The following IL17RC variants were observed in gnomAD, a reference collection of about 807,000 sequenced individuals.
The protein encoded by IL17RC is interleukin 17 receptor C, also known as interleukin-17 receptor C.
A neutral mutation model predicts 86.7 loss-of-function variants in IL17RC; 53 were observed. The observed-to-expected ratio is 0.61, with a 90% CI of 0.49 to 0.77. The LOEUF is 0.77. Ranked by LOEUF, IL17RC falls within the 30% of genes least tolerant of loss-of-function variation. IL17RC has a pLI of 0.00. For missense variants in IL17RC, 957 were observed against 940.0 expected (o/e 1.02, Z -0.24); for synonymous variants, 439 against 413.1 (o/e 1.06, Z -0.76).
In IL17RC at chr3:9,932,697, G is replaced by A. The variant is rs757709785; in HGVS notation, c.1477G>A (p.Ala493Thr). 8.1e-6 allele frequency: 13 copies of A among 1,614,040 alleles called. No homozygotes were observed. The highest frequency in any genetic ancestry group is 9.3e-6 in the Non-Finnish European group (11 of 1,180,012). The stretch of plus-strand genomic sequence containing the variant: ...CATCCTCCTTCTCAAAAAGGATCAC[G>A]CGAAAGGTGAGCGCTTCCCGGCTCC... ...SLILLLKKDH[A>T]KGWLRLLKQD... The change falls in exon 17 of 19, where the codon GCG becomes ACG. Residue 493 changes from alanine to threonine, a missense_variant. Coordinates refer to ENST00000403601, the MANE Select transcript of IL17RC (RefSeq NM_153460.4).
Position 9,933,221 on chromosome 3 carries a change from G to A in IL17RC, c.1791G>A (p.Val597=). 6.2e-7 allele frequency: 1 copy of A among 1,607,058 alleles called. No individual in the cohort carries two copies. Among genetic ancestry groups the A allele is most frequent in the Non-Finnish European group, 8.5e-7 (1 of 1,177,384 alleles). ...GCAGCGAGTGGCTACAGGATGGGGT[G>A]TCCGGGCCCGGGGCGCACGGCCCGC... ...ALCSEWLQDG[V]SGPGAHGPHD... is the part of the protein sequence containing the mutation. Residue 597 remains valine, a synonymous_variant, in exon 19 of 19, where the codon GTG becomes GTA. Coordinates refer to ENST00000403601, the MANE Select transcript of IL17RC (RefSeq NM_153460.4).
chr3:9,929,571 G>GA, intron 12 of IL17RC: 1 of 471,320 alleles, frequency 2.1e-6, no homozygotes, highest in East Asian at 3.6e-5. Flanking sequence ...TGTGAGAAAG[G>GA]AATCTCTTTG....
chr3:9,927,434 T>C (rs562960995), intron 9 of IL17RC, among the ~76,000 whole-genome samples: 23 of 152,192 alleles, frequency 1.5e-4, no homozygotes, highest in Admixed American at 1.1e-3. Flanking sequence ...GATGTGCGCC[T>C]GTAGTCCCTG....
chr3:9,920,270 C>G (rs201236431), intron 5 of IL17RC: 1 of 398,626 alleles, frequency 2.5e-6, no homozygotes. Context: ...TGTCTAGGGC[C>G]TTTTCCCGCC....
chr3:9,917,945 T>G lies in IL17RC; in HGVS notation c.150T>G (p.Pro50=), dbSNP rs1355495007. ...CAGACAGTGACATACTCTGCCTGCCTGGGGACATCGTGCCTGCTCCGGGCC... is the reference window on the plus strand; with the variant it reads ...CAGACAGTGACATACTCTGCCTGCCGGGGGACATCGTGCCTGCTCCGGGCC... ...RLWDSDILCL[P]GDIVPAPGPV... Residue 50 remains proline (P), a synonymous_variant, in exon 3 of 19, where the codon CCT becomes CCG. Transcript: ENST00000403601. 6.2e-7 allele frequency: 1 copy of G among 1,613,526 alleles called. No homozygotes were observed. Among genetic ancestry groups the G allele is most frequent in the East Asian group, 2.2e-5 (1 of 44,868 alleles).
chr3:9,933,333 G>A lies in IL17RC; in HGVS notation c.1903G>A (p.Asp635Asn). Residue 635 changes from aspartate to asparagine, a missense_variant, in exon 19 of 19, where the codon GAC becomes AAC. Coordinates refer to ENST00000403601, the MANE Select transcript of IL17RC (RefSeq NM_153460.4). ...CGGCAGCTACGTGGGGGCCTGCTTCGACAGGCTGCTCCACCCGGACGCCGT... is the reference window on the plus strand; with the variant it reads ...CGGCAGCTACGTGGGGGCCTGCTTCAACAGGCTGCTCCACCCGGACGCCGT... ...APGSYVGACF[D>N]RLLHPDAVPA... 1 of 1,609,592 alleles carries A rather than the reference G, an allele frequency of 6.2e-7. No homozygotes were observed. The highest frequency in any genetic ancestry group is 8.5e-7 in the Non-Finnish European group (1 of 1,178,254).
At chr3:9,917,641 G>A (rs747502014) in intron 1 of IL17RC, 72 bp from the exon 2 acceptor site, 4 of 1,613,954 alleles carry the variant, frequency 2.5e-6, no homozygotes, top group African/African-American at 1.3e-5. Context: ...AAGGTAGGTG[G>A]AGGTCTTAGG....
At position 9,930,224 on chromosome 3, in the gene IL17RC, C is replaced by A; in HGVS notation, c.1278+75C>A. 1 of 1,587,040 alleles carries A rather than the reference C, an allele frequency of 6.3e-7. No individual in the cohort carries two copies. Among genetic ancestry groups the A allele is most frequent in the Non-Finnish European group, 8.6e-7 (1 of 1,160,604 alleles). The stretch of plus-strand genomic sequence containing the variant: ...ATCTGGCCTCAAATTTTCACTCCAT[C>A]CACCCTGTGCCGGTCTCTGGGAACA... On this transcript the variant is annotated intron_variant, in intron 14 of 18. Coordinates refer to ENST00000403601, the MANE Select transcript of IL17RC (RefSeq NM_153460.4). This position sits in a 1 kb window ranked among gnomAD's most constrained non-coding sequence, Gnocchi z 5.8.
At chr3:9,923,549 CAAA>C (rs111686823) in intron 7 of IL17RC, among the ~76,000 whole-genome samples, 1 of 135,326 alleles carries the variant, frequency 7.4e-6, no homozygotes. Context: ...GACTCCCTCT[CAAA>C]AAAAAAAAAG....
At position 9,933,455 on chromosome 3, in the gene IL17RC, G is replaced by A. The variant is rs189013166; in HGVS notation, c.2025G>A (p.Gly675=). Residue 675 remains glycine (G), a synonymous_variant, in exon 19 of 19, where the codon GGG becomes GGA. Coordinates refer to ENST00000403601, the MANE Select transcript of IL17RC (RefSeq NM_153460.4). ...AGCAGCCTCGCGCCCCGCGTTCCGG[G>A]CGGCTCCAAGAGAGAGCGGAGCAAG... ...ALQQPRAPRS[G]RLQERAEQVS... 6,219 of 1,613,026 alleles carry A rather than the reference G, an allele frequency of 3.9e-3. 122 individuals carry two copies. The South Asian group carries it at 0.039, about 10-fold the overall frequency.
chr3:9,932,957 C>T lies in IL17RC; in HGVS notation c.1527C>T (p.Ala509=), dbSNP rs750256794. ...LLKQDVRSGA[A]ARGRAALLLY... is the part of the protein sequence containing the mutation. ...CCCATCTGTTTTCTCCGGCAGCGGC[C>T]GCCAGGGGCCGCGCGGCTCTGCTCC... The change falls in exon 19 of 19, where the codon GCC becomes GCT. Residue 509 remains alanine, a synonymous_variant. Coordinates refer to ENST00000403601, the MANE Select transcript of IL17RC (RefSeq NM_153460.4). The T allele has an allele frequency of 1.9e-6, 3 of 1,607,054 alleles. No homozygotes were observed. Among genetic ancestry groups the T allele is most frequent in the African/African-American group, 1.3e-5 (1 of 74,800 alleles).
At position 9,917,726 on chromosome 3, in the gene IL17RC, G is replaced by A. The variant is rs75324888; in HGVS notation, c.119G>A (p.Arg40His). The A allele has an allele frequency of 7.1e-3, 11,379 of 1,613,660 alleles. 678 individuals are homozygous for A. In the African/African-American group the frequency reaches 0.13, roughly 18 times the overall value. Reference sequence around the variant, plus strand: ...TTTCCTTCCCAGGGCCTCTCCTGCCGCCTCTGGGGTAAGTATCCCTACTTT... The same window carrying A: ...TTTCCTTCCCAGGGCCTCTCCTGCCACCTCTGGGGTAAGTATCCCTACTTT... The part of the protein sequence containing the change: ...ATHCSPGLSC[R>H]LWDSDILCLP... The change falls in exon 2 of 19, where the codon CGC becomes CAC. Residue 40 changes from arginine to histidine, a missense_variant. By Grantham distance (29) the Arg-to-His change is conservative (BLOSUM62 0). Coordinates refer to ENST00000403601, the MANE Select transcript of IL17RC (RefSeq NM_153460.4).
chr3:9,917,241 T>A lies in IL17RC; in HGVS notation c.-75T>A, dbSNP rs2083151250. The A allele has an allele frequency of 7.5e-6, 9 of 1,198,324 alleles. No homozygotes were observed. The South Asian group carries it at 1.0e-4, about 14-fold the overall frequency. 74.2% of individuals were successfully genotyped at this position (1,198,324 alleles called of 1,614,324 possible). On this transcript the variant is annotated 5_prime_UTR_variant, in exon 1 of 19. Transcript: ENST00000403601. ...GCCCCTGCCACCCACAGACACGGGCTGACTGGGGTGTCTGCCCCCCTTGGG... is the reference window on the plus strand; with the variant it reads ...GCCCCTGCCACCCACAGACACGGGCAGACTGGGGTGTCTGCCCCCCTTGGG...
chr3:9,926,357 G>A (rs1422556056), intron 9 of IL17RC, among the ~76,000 whole-genome samples: 1 of 151,972 alleles, frequency 6.6e-6, no homozygotes, highest in Non-Finnish European at 1.5e-5. Context: ...ATGTTTTGTG[G>A]CGATGGGCCA....
Position 9,928,501 on chromosome 3 carries a change from G to A in IL17RC, c.1059+15G>A, listed in dbSNP as rs1418606343. 8.1e-6 allele frequency: 13 copies of A among 1,613,010 alleles called. No individual in the cohort carries two copies. The highest frequency in any genetic ancestry group is 1.1e-5 in the Non-Finnish European group (13 of 1,179,834). The stretch of plus-strand genomic sequence containing the variant: ...TCACTGTGGACGTAAGTGAAGCAGA[G>A]GGCACCTCCCGTGGTGAGGGGAGAG... On this transcript the variant is annotated intron_variant, in intron 11 of 18. Coordinates refer to ENST00000403601, the MANE Select transcript of IL17RC (RefSeq NM_153460.4).
chr3:9,929,813 C>A (rs1410364778), intron 12 of IL17RC, 39 bp from the exon 13 acceptor site: 1 of 1,613,424 alleles, frequency 6.2e-7, no homozygotes, highest in East Asian at 2.2e-5. Flanking sequence ...TTGGCTTTTG[C>A]TTTTCTTAGT....
chr3:9,925,292 A>G (rs894353566), intron 9 of IL17RC, among the ~76,000 whole-genome samples: 1 of 150,276 alleles, frequency 6.7e-6, no homozygotes, highest in South Asian at 2.1e-4. Context: ...AATTTTTTGT[A>G]TTTTCAGTAA....
chr3:9,933,386 C>G lies in IL17RC; in HGVS notation c.1956C>G (p.Val652=), dbSNP rs1230073282. The change falls in exon 19 of 19, where the codon GTC becomes GTG. Residue 652 remains valine, a synonymous_variant. Coordinates refer to ENST00000403601, the MANE Select transcript of IL17RC (RefSeq NM_153460.4). ...AVPALFRTVP[V]FTLPSQLPDF... ...CCGCCCTTTTCCGCACCGTGCCCGT[C>G]TTCACACTGCCCTCCCAACTGCCAG... 1 of 1,613,148 alleles carries G rather than the reference C, an allele frequency of 6.2e-7. No homozygotes were observed. The highest frequency in any genetic ancestry group is 2.2e-5 in the East Asian group (1 of 44,862).
At position 9,930,862 on chromosome 3, in the gene IL17RC, T is replaced by C. The variant is rs1186024163; in HGVS notation, c.1339-33T>C. ...GGTGAATATTGGAACACCTGGCTGG[T>C]GCCCTGGATTTGGTTCTGTTTGTAT... is the stretch of plus-strand genomic sequence containing the variant. On this transcript the variant is annotated intron_variant, in intron 15 of 18. Transcript: ENST00000403601. This position sits in a 1 kb window ranked among gnomAD's most constrained non-coding sequence, Gnocchi z 5.8. The C allele has an allele frequency of 5.6e-6, 9 of 1,607,848 alleles. No homozygotes were observed. The highest frequency in any genetic ancestry group is 7.7e-6 in the Non-Finnish European group (9 of 1,174,240).
Sources: gnomAD v4.1 joint callset for allele counts (sites outside exome capture counted in the v4.1 genomes callset) on GRCh38, gnomAD v4.1.1 for gene constraint, Gnocchi (gnomAD v3.1) non-coding constraint, MANE v1.5 for transcripts, NCBI Gene and HGNC (gene_info 2026-07-23, HGNC 2026-07-21) for gene names.